The following ATP8B1 variants were observed in gnomAD, a reference collection of about 807,000 sequenced individuals.
ATP8B1 encodes ATPase phospholipid transporting 8B1.
Under a neutral mutation model 149.9 loss-of-function variants are expected in ATP8B1, and 80 were observed. The ratio of observed to expected loss-of-function variants is 0.53; its 90% confidence interval spans 0.45 to 0.64. The LOEUF (loss-of-function observed/expected upper bound fraction) is 0.64, where lower values mean the gene tolerates loss of function less well. ATP8B1 is among the 30% of genes least tolerant of loss of function. The pLI is 0.00. For missense variants in ATP8B1, 1,247 were observed against 1,552.6 expected, an observed-to-expected ratio of 0.80 and a Z score of 3.31; for synonymous variants, 536 against 562.8, an observed-to-expected ratio of 0.95 and a Z score of 0.67.
intron 1 of ATP8B1, among the ~76,000 whole-genome samples, chr18:57,773,213 A>AAAG (rs1555655690): frequency 1.3e-5 from 2 of 151,102 alleles, no homozygotes; most frequent in Non-Finnish European, 2.9e-5. Flanking sequence ...AAAAAAAAAA[A>AAAG]AAAAAGAAAA....
At chr18:57,719,974 C>T (rs1419450384) in intron 2 of ATP8B1, among the ~76,000 whole-genome samples, 1 of 152,028 alleles carries the variant, frequency 6.6e-6, no homozygotes, top group Non-Finnish European at 1.5e-5. Flanking sequence ...AGGCACCCCC[C>T]AGCAGGGGCA....
chr18:57,791,348 TTTC>T lies in ATP8B1; in HGVS notation c.-26+11647_-26+11649del, dbSNP rs1250077877. ...CCTTCCTTTTTTCTTTTTCTTTTCTTTTCTTTTTTTTTTTTTTTTTGAGGCAGA... is the reference window on the plus strand; with the variant it reads ...CCTTCCTTTTTTCTTTTTCTTTTCTTTTTTTTTTTTTTTTTTTGAGGCAGA... On this transcript the variant is annotated intron_variant, in intron 1 of 27. Transcript: ENST00000648908. Among the ~76,000 whole-genome samples, 340 of 95,058 alleles carry T rather than the reference TTTC, an allele frequency of 3.6e-3. 3 individuals carry two copies. Among genetic ancestry groups the T allele is most frequent in the Middle Eastern group, 6.6e-3 (1 of 152 alleles). The allele number at this position is 95,058 out of a possible 152,430, so 62.4% of individuals were successfully genotyped here.
At chr18:57,759,155 CAAAAAAAAAAAAA>C (rs566728161) in intron 1 of ATP8B1, among the ~76,000 whole-genome samples, 48,667 of 107,012 alleles carry the variant, frequency 0.45, 9,756 homozygotes, top group Middle Eastern at 0.63. Context: ...GATTCCATCT[CAAAAAAAAAAAAA>C]AAAAAAAAAA....
chr18:57,709,941 A>C (rs1237433571), intron 2 of ATP8B1, among the ~76,000 whole-genome samples: 1 of 151,552 alleles, frequency 6.6e-6, no homozygotes, highest in Non-Finnish European at 1.5e-5. Context: ...CGACCTCCCA[A>C]AGTGCTGGGA....
chr18:57,693,324 C>T (rs886696453), intron 11 of ATP8B1, among the ~76,000 whole-genome samples: 5 of 152,148 alleles, frequency 3.3e-5, no homozygotes, highest in East Asian at 1.9e-4. Context: ...CTGCTTCCTC[C>T]GAAGGCCGGC....
rs765265532 is a variant in ATP8B1 at position 57,704,563 on chromosome 18, T to C, written c.385A>G (p.Ile129Val). Reference protein sequence around the residue: ...AANLYFLALLILQAVPQISTL... With the variant: ...AANLYFLALLVLQAVPQISTL... The stretch of plus-strand genomic sequence containing the variant: ...ATAGCAAAGGGCATTACCTGTAAGA[T>C]AAGAAGAGCCAGGAAATATAAATTG... Residue 129 changes from isoleucine to valine, a missense_variant, in exon 4 of 28, where the codon ATC (isoleucine) becomes GTC (valine). This residue lies in a region of ATP8B1 where 853 missense variants were observed against 1,035.7 expected (regional missense o/e 0.82). Coordinates refer to ENST00000648908, the MANE Select transcript of ATP8B1 (RefSeq NM_001374385.1). The C allele has an allele frequency of 6.3e-7, 1 of 1,586,232 alleles. No individual in the cohort carries two copies. Among genetic ancestry groups the C allele is most frequent in the Non-Finnish European group, 8.7e-7 (1 of 1,154,890 alleles).
intron 4 of ATP8B1, among the ~76,000 whole-genome samples, chr18:57,704,092 G>C: frequency 6.6e-6 from 1 of 151,958 alleles, no homozygotes. Flanking sequence ...TCAGTCTCCC[G>C]AGTAGCTGGG....
chr18:57,650,578 C>A, intron 26 of ATP8B1, 81 bp from the exon 27 acceptor site: 1 of 1,534,882 alleles, frequency 6.5e-7, no homozygotes, highest in South Asian at 1.1e-5. Flanking sequence ...TGTGGTGGCT[C>A]ATGCCTGTAA....
intron 22 of ATP8B1, among the ~76,000 whole-genome samples, chr18:57,656,593 C>A (rs1039548601): frequency 1.3e-5 from 2 of 151,732 alleles, no homozygotes; most frequent in Non-Finnish European, 2.9e-5. Context: ...TCCAGGCAGG[C>A]CTTGAACTCC....
Position 57,797,950 on chromosome 18 carries a change from C to T in ATP8B1, c.-26+5048G>A, listed in dbSNP as rs186640870. 2.9e-3 allele frequency among the ~76,000 whole-genome samples: 442 copies of T among 152,170 alleles called. 5 individuals are homozygous for T. Among genetic ancestry groups the T allele is most frequent in the African/African-American group, 9.5e-3 (396 of 41,528 alleles). ...TGAACTCCTGATCTCGTGATCCACC[C>T]GCCTTGGTTTCCCAAAGTGTTGGGA... On this transcript the variant is annotated intron_variant, in intron 1 of 27. Transcript: ENST00000648908.
chr18:57,742,826 TAA>T (rs35306074), intron 1 of ATP8B1, among the ~76,000 whole-genome samples: 95 of 144,038 alleles, frequency 6.6e-4, no homozygotes, highest in African/African-American at 1.7e-3. Context: ...CCCATCTCTA[TAA>T]AAAAAAAAAA....
chr18:57,649,212 A>ATCTATCTATCTATCTATCTATCTG (rs1237812857), intron 27 of ATP8B1, among the ~76,000 whole-genome samples: 1 of 151,886 alleles, frequency 6.6e-6, no homozygotes, highest in Non-Finnish European at 1.5e-5. Flanking sequence ...CTATCTATCT[A>ATCTATCTATCTATCTATCTATCTG]TCTATCTATA....
At chr18:57,696,655 T>C (rs1322116665) in intron 8 of ATP8B1, among the ~76,000 whole-genome samples, 1 of 151,944 alleles carries the variant, frequency 6.6e-6, no homozygotes, top group Non-Finnish European at 1.5e-5. Flanking sequence ...TGTAAAGCAG[T>C]GTATGCACAT....
chr18:57,736,379 G>T (rs958001928), intron 1 of ATP8B1, among the ~76,000 whole-genome samples: 1 of 150,940 alleles, frequency 6.6e-6, no homozygotes, highest in African/African-American at 2.4e-5. Context: ...TGAGGTCTTA[G>T]CCATAAAATC....
chr18:57,702,715 GGT>G, intron 4 of ATP8B1, among the ~76,000 whole-genome samples: 1 of 152,130 alleles, frequency 6.6e-6, no homozygotes, highest in Non-Finnish European at 1.5e-5. Flanking sequence ...AAATTAGCCA[GGT>G]GTGGTGGCGC....
intron 12 of ATP8B1, among the ~76,000 whole-genome samples, chr18:57,689,349 T>C (rs1035097052): frequency 5.3e-5 from 8 of 152,216 alleles, no homozygotes; most frequent in African/African-American, 1.9e-4. Flanking sequence ...CCCCAAATCA[T>C]GATCCCTAAA....
chr18:57,777,019 C>G (rs1454384600), intron 1 of ATP8B1, among the ~76,000 whole-genome samples: 1 of 151,520 alleles, frequency 6.6e-6, no homozygotes, highest in African/African-American at 2.4e-5. Flanking sequence ...CACTGTCGCC[C>G]AGGCTGGAGT....
intron 2 of ATP8B1, among the ~76,000 whole-genome samples, chr18:57,729,155 G>A (rs941072805): frequency 2.6e-5 from 4 of 152,130 alleles, no homozygotes; most frequent in African/African-American, 9.7e-5. Flanking sequence ...GGGGATGAGA[G>A]TTTCCACCCA....
At chr18:57,719,928 G>T (rs1393087915) in intron 2 of ATP8B1, among the ~76,000 whole-genome samples, 5 of 152,174 alleles carry the variant, frequency 3.3e-5, no homozygotes, top group African/African-American at 1.2e-4. Flanking sequence ...CTTCAAGTGG[G>T]TCCCTGACCC....
Sources: allele counts gnomAD v4.1 joint callset (sites outside exome capture counted in the v4.1 genomes callset), GRCh38; gene constraint gnomAD v4.1.1; regional missense constraint gnomAD v4.1.1; transcripts MANE v1.5; gene names NCBI Gene and HGNC (gene_info 2026-07-23, HGNC 2026-07-21).